Variants in TSC2 observed in about 807,000 individuals in gnomAD.
The protein encoded by TSC2 is TSC complex subunit 2.
TSC2 carries 29 observed loss-of-function variants against 202.2 expected under a neutral mutation model. The ratio of observed to expected loss-of-function variants is 0.14; its 90% confidence interval spans 0.11 to 0.20. The LOEUF (loss-of-function observed/expected upper bound fraction) is 0.20. Ranked by LOEUF, TSC2 falls within the 10% of genes least tolerant of loss-of-function variation. The pLI, the probability that TSC2 is intolerant of heterozygous loss-of-function variation, is 1.00. For synonymous variants in TSC2, 1,349 were observed against 1,044.0 expected, an observed-to-expected ratio of 1.29 and a Z score of -5.63; for missense variants, 2,429 against 2,420.0, an observed-to-expected ratio of 1.00 and a Z score of -0.08.
intron 21 of TSC2, 106 bp from the exon 22 acceptor site, chr16:2,074,094 C>A: frequency 6.8e-7 from 1 of 1,460,696 alleles, no homozygotes; most frequent in African/African-American, 1.4e-5. Context: ...CAGGGACTTG[C>A]TAAGCCTCGG....
chr16:2,049,234 T>G (rs1177410448), intron 2 of TSC2, among the ~76,000 whole-genome samples: 1 of 152,108 alleles, frequency 6.6e-6, no homozygotes, highest in South Asian at 2.1e-4. Context: ...TACAGACACG[T>G]GCCACCACAC....
rs777282955 is a variant in TSC2, at chr16:2,076,109, C to T, written c.2681C>T (p.Ala894Val). 5.0e-6 allele frequency: 8 copies of T among 1,613,850 alleles called. No individual in the cohort carries two copies. Among genetic ancestry groups the T allele is most frequent in the Non-Finnish European group, 6.8e-6 (8 of 1,180,036 alleles). ...GTGTGTCTGGCCCATCACGTCATAGCCATGTGGTTCATCAGGTGCCGCCTG... is the reference window on the plus strand; with the variant it reads ...GTGTGTCTGGCCCATCACGTCATAGTCATGTGGTTCATCAGGTGCCGCCTG... ...YIVCLAHHVIAMWFIRCRLPF... is the reference protein window; with the variant it reads ...YIVCLAHHVIVMWFIRCRLPF... The change falls in exon 24 of 42, where the codon GCC becomes GTC. Residue 894 changes from alanine to valine, a missense_variant. Coordinates refer to ENST00000219476, the MANE Select transcript of TSC2 (RefSeq NM_000548.5).
chr16:2,089,324 G>A lies in TSC2; in HGVS notation c.*714G>A, dbSNP rs1596469199. On this transcript the variant is annotated 3_prime_UTR_variant, in exon 42 of 42. Coordinates refer to ENST00000219476, the MANE Select transcript of TSC2 (RefSeq NM_000548.5). Reference sequence around the variant, plus strand: ...TGAGACGGTGCAGGGAGTACGGTAGGAACTGGAGAGGTAATAACTTAGGGG... The same window carrying A: ...TGAGACGGTGCAGGGAGTACGGTAGAAACTGGAGAGGTAATAACTTAGGGG... 2 of 300,934 alleles carry A rather than the reference G, an allele frequency of 6.6e-6. No individual in the cohort carries two copies. The highest frequency in any genetic ancestry group is 1.3e-5 in the Non-Finnish European group (2 of 159,418). The allele number at this position is 300,934 out of a possible 1,614,324, so 18.6% of individuals were successfully genotyped here. A position where few individuals can be genotyped will look rare whatever the true frequency, so the allele number is the denominator to read the frequency against.
chr16:2,064,860 TC>T (rs2087102826), intron 15 of TSC2: 1 of 262,086 alleles, frequency 3.8e-6, no homozygotes, highest in South Asian at 4.5e-5. Flanking sequence ...ACGCCTGTAA[TC>T]CCAGCATTTT....
chr16:2,075,787 C>A lies in TSC2; in HGVS notation c.2546-12C>A. On this transcript the variant is annotated splice_polypyrimidine_tract_variant and intron_variant, in intron 22 of 41. Coordinates refer to ENST00000219476, the MANE Select transcript of TSC2 (RefSeq NM_000548.5). Reference sequence around the variant, plus strand: ...ACCCCGGCTCCCCTGACCACCCTCTCCATTACCGCAGCTCTGGCCAGGCTG... The same window carrying A: ...ACCCCGGCTCCCCTGACCACCCTCTACATTACCGCAGCTCTGGCCAGGCTG... 1.2e-6 allele frequency: 2 copies of A among 1,611,854 alleles called. No individual in the cohort carries two copies. The highest frequency in any genetic ancestry group is 1.7e-6 in the Non-Finnish European group (2 of 1,179,852).
chr16:2,084,766 C>G, intron 34 of TSC2, 51 bp downstream of exon 34: 1 of 1,598,486 alleles, frequency 6.3e-7, no homozygotes, highest in Non-Finnish European at 8.5e-7. Flanking sequence ...CTGCGGGAAC[C>G]TGGTGCCTCA....
chr16:2,048,127 G>C, intron 1 of TSC2, 62 bp downstream of exon 1: 2 of 1,505,774 alleles, frequency 1.3e-6, no homozygotes, highest in Non-Finnish European at 1.8e-6. Context: ...TAGAGAGGCG[G>C]ACCCCGCAGT....
At position 2,088,438 on chromosome 16, in the gene TSC2, G is replaced by A; in HGVS notation, c.5260-8G>A. ...CAGACTTACTGCCCAAGCCGCCTCTGCCTTCAGATCTGCGAGGAAGCCGCC... is the reference window on the plus strand; with the variant it reads ...CAGACTTACTGCCCAAGCCGCCTCTACCTTCAGATCTGCGAGGAAGCCGCC... On this transcript the variant is annotated splice_region_variant and splice_polypyrimidine_tract_variant and intron_variant, in intron 41 of 41. Transcript: ENST00000219476. 2 of 1,612,768 alleles carry A rather than the reference G, an allele frequency of 1.2e-6. No homozygotes were observed. The highest frequency in any genetic ancestry group is 1.1e-5 in the South Asian group (1 of 91,086).
chr16:2,081,936 C>T (rs2090193633), intron 31 of TSC2, 138 bp downstream of exon 31: 1 of 1,249,750 alleles, frequency 8.0e-7, no homozygotes, highest in Non-Finnish European at 1.1e-6. Flanking sequence ...CACCATTGTT[C>T]TCCGGTGTTT....
chr16:2,050,278 A>G, intron 2 of TSC2, 122 bp from the exon 3 acceptor site: 1 of 965,904 alleles, frequency 1.0e-6, no homozygotes, highest in African/African-American at 1.6e-5. Context: ...GATTCCAGAA[A>G]GATCTGTTTT....
chr16:2,081,180 C>T lies in TSC2; in HGVS notation c.3611-415C>T, dbSNP rs2090097345. 3.0e-5 allele frequency: 10 copies of T among 329,240 alleles called. 1 individual carries two copies. Among genetic ancestry groups the T allele is most frequent in the South Asian group, 2.7e-4 (10 of 37,502 alleles). The allele number at this position is 329,240 out of a possible 1,614,324, so 20.4% of individuals were successfully genotyped here. A position where few individuals can be genotyped will look rare whatever the true frequency, so the allele number is the denominator to read the frequency against. ...ACTAAAGCATACCAACATGGGGGCACAGCTCAGCCTGTTCCCAGGGGCAGA... is the reference window on the plus strand; with the variant it reads ...ACTAAAGCATACCAACATGGGGGCATAGCTCAGCCTGTTCCCAGGGGCAGA... On this transcript the variant is annotated intron_variant, in intron 30 of 41. Coordinates refer to ENST00000219476, the MANE Select transcript of TSC2 (RefSeq NM_000548.5).
At chr16:2,075,989 G>A (rs983569033) in intron 23 of TSC2, 79 bp from the exon 24 acceptor site, 5 of 1,611,996 alleles carry the variant, frequency 3.1e-6, no homozygotes, top group Admixed American at 1.7e-5. Flanking sequence ...AGGCCTGAGC[G>A]CCTCGGTTTT....
chr16:2,073,096 G>C, intron 21 of TSC2, 113 bp downstream of exon 21: 2 of 1,526,636 alleles, frequency 1.3e-6, no homozygotes, highest in Non-Finnish European at 1.8e-6. Flanking sequence ...CCAGGGATGA[G>C]TGAGTTGGCT....
chr16:2,072,817 G>A, intron 20 of TSC2, 32 bp from the exon 21 acceptor site: 4 of 1,613,168 alleles, frequency 2.5e-6, no homozygotes, highest in Middle Eastern at 1.7e-4. Context: ...TGGCCGCTGG[G>A]GAGAGGTTTC....
Position 2,088,407 on chromosome 16 carries a change from G to A in TSC2, c.5260-39G>A, listed in dbSNP as rs532413089. 255 of 1,612,506 alleles carry A rather than the reference G, an allele frequency of 1.6e-4. 2 individuals are homozygous for A. In the South Asian group the frequency reaches 2.1e-3, roughly 13 times the overall value. ...GGTGTGTGGGCAGAGCGGTTGCCAC[G>A]CCTCCCAGACTTACTGCCCAAGCCG... On this transcript the variant is annotated intron_variant, in intron 41 of 41. Transcript: ENST00000219476.
chr16:2,053,107 G>T (rs1037632549), intron 3 of TSC2, among the ~76,000 whole-genome samples: 7 of 152,186 alleles, frequency 4.6e-5, no homozygotes. Flanking sequence ...CTGTCACCTG[G>T]TGGGAGTTAA....
Position 2,060,703 on chromosome 16 carries a change from G to C in TSC2, c.1009G>C (p.Glu337Gln). The C allele has an allele frequency of 6.2e-7, 1 of 1,614,140 alleles. No homozygotes were observed. Among genetic ancestry groups the C allele is most frequent in the South Asian group, 1.1e-5 (1 of 91,082 alleles). ...MACPNEVVSY[E>Q]IVLSITRLIK... ...ATGTCCGAACGAGGTGGTGTCCTAT[G>C]AGATCGTCCTGTCCATCACCAGGCT... is the stretch of plus-strand genomic sequence containing the variant. The change falls in exon 11 of 42, where the codon GAG becomes CAG. Residue 337 changes from glutamate (E) to glutamine (Q), a missense_variant. By Grantham distance (29) the Glu-to-Gln change is conservative. Coordinates refer to ENST00000219476, the MANE Select transcript of TSC2 (RefSeq NM_000548.5).
chr16:2,054,026 G>A (rs1258886655), intron 4 of TSC2: 15 of 544,454 alleles, frequency 2.8e-5, no homozygotes, highest in African/African-American at 1.9e-5. Context: ...TCGGGCAGGA[G>A]CTGTGTCATC....
chr16:2,087,592 AC>A (rs1323745671), intron 38 of TSC2, among the ~76,000 whole-genome samples: 4 of 151,800 alleles, frequency 2.6e-5, no homozygotes, highest in African/African-American at 9.7e-5. Flanking sequence ...GTGGCTGCAG[AC>A]ACCCTGGGGG....
Sources: gnomAD v4.1 joint callset for allele counts (sites outside exome capture counted in the v4.1 genomes callset) on GRCh38, gnomAD v4.1.1 for gene constraint, MANE v1.5 for transcripts, NCBI Gene and HGNC (gene_info 2026-07-23, HGNC 2026-07-21) for gene names.